Variants in ZNF407 observed in about 807,000 individuals in gnomAD.
ZNF407 encodes zinc finger protein 407.
Under a neutral mutation model 131.2 loss-of-function variants are expected in ZNF407, and 17 were observed. The observed-to-expected ratio is 0.13, with a 90% CI of 0.09 to 0.19. The LOEUF is 0.19. Ranked by LOEUF, ZNF407 falls within the 10% of genes least tolerant of loss-of-function variation. The pLI is 1.00. For synonymous variants in ZNF407, 1,156 were observed against 1,062.0 expected, an observed-to-expected ratio of 1.09 and a Z score of -1.72; for missense variants, 2,681 against 2,830.6, an observed-to-expected ratio of 0.95 and a Z score of 1.20.
intron 8 of ZNF407, among the ~76,000 whole-genome samples, chr18:74,933,625 TC>T (rs558353888): frequency 6.6e-6 from 1 of 152,230 alleles, no homozygotes; most frequent in Non-Finnish European, 1.5e-5. Context: ...TTTTCTGTCT[TC>T]CACACTTACC....
intron 8 of ZNF407, among the ~76,000 whole-genome samples, chr18:74,941,810 G>T (rs540741327): frequency 6.6e-6 from 1 of 152,178 alleles, no homozygotes; most frequent in African/African-American, 2.4e-5. Flanking sequence ...CGCAACAACG[G>T]TGATGATGTT....
At chr18:74,842,061 T>C (rs1330836952) in intron 4 of ZNF407, among the ~76,000 whole-genome samples, 1 of 152,240 alleles carries the variant, frequency 6.6e-6, no homozygotes, top group Non-Finnish European at 1.5e-5. Context: ...GATTTAGATT[T>C]CTTTGGTCTT....
chr18:74,852,211 G>GCA, intron 4 of ZNF407, among the ~76,000 whole-genome samples: 1 of 150,872 alleles, frequency 6.6e-6, no homozygotes, highest in African/African-American at 2.4e-5. Context: ...ACGCACGCAC[G>GCA]CGCACGCGCG....
At chr18:74,853,603 T>C (rs1327083585) in intron 4 of ZNF407, among the ~76,000 whole-genome samples, 2 of 152,340 alleles carry the variant, frequency 1.3e-5, no homozygotes, top group East Asian at 3.9e-4. Context: ...CCTTTAACTG[T>C]AACTCATATG....
intron 4 of ZNF407, among the ~76,000 whole-genome samples, chr18:74,835,821 G>A (rs1214021088): frequency 1.3e-5 from 2 of 152,104 alleles, no homozygotes; most frequent in South Asian, 2.1e-4. Flanking sequence ...ATGAAACTGA[G>A]GGAGAGTCTG....
At chr18:74,725,603 A>AT (rs1341787204) in intron 3 of ZNF407, among the ~76,000 whole-genome samples, 1 of 152,060 alleles carries the variant, frequency 6.6e-6, no homozygotes, top group African/African-American at 2.4e-5. Context: ...AATAGAGTCT[A>AT]TTTTTATTTA....
chr18:74,646,637 G>A lies in ZNF407; in HGVS notation c.4802+5515G>A, dbSNP rs189625910. On this transcript the variant is annotated intron_variant, in intron 3 of 8. Coordinates refer to ENST00000299687, the MANE Select transcript of ZNF407 (RefSeq NM_017757.3). ...TTAGAATCCTTGAGATACCTTTTAT[G>A]TACTGAATGAACATTTACGATTTTT... 9.2e-5 allele frequency among the ~76,000 whole-genome samples: 14 copies of A among 152,262 alleles called. No homozygotes were observed. The East Asian group carries it at 2.7e-3, about 29-fold the overall frequency.
intron 8 of ZNF407, among the ~76,000 whole-genome samples, chr18:74,968,899 G>C (rs1183854206): frequency 3.3e-5 from 5 of 152,054 alleles, no homozygotes; most frequent in African/African-American, 1.2e-4. Flanking sequence ...TCCAAGATGT[G>C]AGTGATGGGG....
At chr18:75,011,631 T>C (rs1428968774) in intron 8 of ZNF407, among the ~76,000 whole-genome samples, 4 of 152,154 alleles carry the variant, frequency 2.6e-5, no homozygotes, top group East Asian at 3.8e-4. Context: ...TGTCAGTATT[T>C]AATAAATTTT....
intron 3 of ZNF407, among the ~76,000 whole-genome samples, chr18:74,718,279 A>C (rs926311101): frequency 6.6e-6 from 1 of 151,736 alleles, no homozygotes; most frequent in Admixed American, 6.6e-5. Flanking sequence ...TATTTGCTAA[A>C]ATCATGTGGT....
intron 3 of ZNF407, among the ~76,000 whole-genome samples, chr18:74,717,401 A>G (rs910712516): frequency 6.6e-6 from 1 of 152,232 alleles, no homozygotes; most frequent in East Asian, 1.9e-4. Flanking sequence ...TGGAGAGTGC[A>G]GAGACATGAT....
intron 8 of ZNF407, among the ~76,000 whole-genome samples, chr18:75,035,509 C>T (rs1421109163): frequency 6.6e-6 from 1 of 152,170 alleles, no homozygotes; most frequent in African/African-American, 2.4e-5. Flanking sequence ...CTCAGGGTCT[C>T]GTTCTCTATA....
intron 3 of ZNF407, among the ~76,000 whole-genome samples, chr18:74,654,864 A>G (rs1041809708): frequency 5.3e-5 from 8 of 151,852 alleles, no homozygotes; most frequent in Non-Finnish European, 1.0e-4. Context: ...TGAAGTTGTA[A>G]TAGATTTTTT....
rs148605195 is a variant in ZNF407 at position 74,964,755 on chromosome 18, G to T, written c.5428+44063G>T. Among the ~76,000 whole-genome samples the T allele has an allele frequency of 1.1e-4, 17 of 151,496 alleles. No individual in the cohort carries two copies. The East Asian group carries it at 3.3e-3, about 29-fold the overall frequency. On this transcript the variant is annotated intron_variant, in intron 8 of 8. Coordinates refer to ENST00000299687, the MANE Select transcript of ZNF407 (RefSeq NM_017757.3). ...AAATGCTGAATGTTAATATTTTCTT[G>T]CTTTTTGATCCATAGGATTCATTTT...
chr18:74,920,859 A>G (rs555043976), intron 8 of ZNF407, 167 bp downstream of exon 8: 28 of 1,273,250 alleles, frequency 2.2e-5, no homozygotes, highest in African/African-American at 1.8e-4. Context: ...ATCCCACTCA[A>G]CTATGAAAAC....
intron 8 of ZNF407, among the ~76,000 whole-genome samples, chr18:74,938,551 A>G (rs908204903): frequency 6.6e-6 from 1 of 152,036 alleles, no homozygotes. Context: ...CTCGTGTACC[A>G]CTTCGTTGGT....
At chr18:74,617,300 G>A (rs963417122) in intron 1 of ZNF407, among the ~76,000 whole-genome samples, 43 of 152,190 alleles carry the variant, frequency 2.8e-4, no homozygotes, top group African/African-American at 9.6e-4. Context: ...TTTCTCTTAC[G>A]TGACTGTGGT....
chr18:74,986,921 C>T (rs1489361502), intron 8 of ZNF407, among the ~76,000 whole-genome samples: 5 of 152,134 alleles, frequency 3.3e-5, no homozygotes. Flanking sequence ...CTTTCTTATA[C>T]ATTCTTTAAC....
intron 4 of ZNF407, chr18:74,804,178 C>T: frequency 2.2e-6 from 3 of 1,391,168 alleles, no homozygotes; most frequent in Middle Eastern, 3.8e-4. Context: ...TCTTTGCATA[C>T]TTGAATTCAT....
Sources: allele counts gnomAD v4.1 joint callset (sites outside exome capture counted in the v4.1 genomes callset), GRCh38; gene constraint gnomAD v4.1.1; transcripts MANE v1.5; gene names NCBI Gene and HGNC (gene_info 2026-07-23, HGNC 2026-07-21).